DPY19L4: variants seen among roughly 807,000 people sequenced by gnomAD.
The protein encoded by DPY19L4 is dpy-19 like 4, also known as probable C-mannosyltransferase DPY19L4.
Under a neutral mutation model 102.8 loss-of-function variants are expected in DPY19L4, and 97 were observed. The ratio of observed to expected loss-of-function variants is 0.94; its 90% CI spans 0.80 to 1.12. The LOEUF is 1.12. DPY19L4 is among the 50% of genes most tolerant of loss of function. The probability of loss-of-function intolerance (pLI) is 0.00; values close to 1 mark genes in which losing one functional copy is unlikely to be tolerated. For missense variants in DPY19L4, 815 were observed against 850.4 expected (o/e 0.96, Z 0.52); for synonymous variants, 252 against 283.1 (o/e 0.89, Z 1.10).
chr8:94,767,439 A>G (rs919148172), intron 11 of DPY19L4, among the ~76,000 whole-genome samples: 1 of 151,632 alleles, frequency 6.6e-6, no homozygotes, highest in African/African-American at 2.4e-5. Flanking sequence ...GACTACAGGC[A>G]CCCGCTACCA....
In DPY19L4 at chr8:94,719,990, G is replaced by A. The variant is rs1338414400; in HGVS notation, c.-9G>A. ...GGAGCCGCAGGGCGCCCTAGCCTTC[G>A]CAGAAACGATGGCGGAGGAAGAAGG... On this transcript the variant is annotated 5_prime_UTR_variant, in exon 1 of 19. Transcript: ENST00000414645. 3.9e-6 allele frequency: 6 copies of A among 1,527,236 alleles called. No individual in the cohort carries two copies. In the Admixed American group the frequency reaches 1.0e-4, roughly 27 times the overall value. 94.6% of individuals were successfully genotyped at this position (1,527,236 alleles called of 1,614,324 possible).
chr8:94,721,226 G>T (rs933281397), intron 1 of DPY19L4, among the ~76,000 whole-genome samples: 1 of 152,186 alleles, frequency 6.6e-6, no homozygotes, highest in Non-Finnish European at 1.5e-5. Flanking sequence ...GATTACAGGC[G>T]TGAGCCACGG....
At chr8:94,734,587 G>T (rs562432333) in intron 2 of DPY19L4, 43 bp from the exon 3 acceptor site, 15 of 1,563,882 alleles carry the variant, frequency 9.6e-6, no homozygotes, top group Middle Eastern at 1.8e-4. Flanking sequence ...ATCATATCAA[G>T]GGTACATATT....
Position 94,793,348 on chromosome 8 carries a change from T to G in DPY19L4, c.*3438T>G, listed in dbSNP as rs1376994786. The G allele has an allele frequency of 1.3e-5, 2 of 152,244 alleles. No individual in the cohort carries two copies. Among genetic ancestry groups the G allele is most frequent in the African/African-American group, 2.4e-5 (1 of 41,474 alleles). The allele number at this position is 152,244 out of a possible 1,614,324, so 9.4% of individuals were successfully genotyped here. A position where few individuals can be genotyped will look rare whatever the true frequency, so the allele number is the denominator to read the frequency against. On this transcript the variant is annotated 3_prime_UTR_variant, in exon 19 of 19. Coordinates refer to ENST00000414645, the MANE Select transcript of DPY19L4 (RefSeq NM_181787.3). ...TTGTTTTGGGCCCCTATTTTTGAAC[T>G]GTTAAAAAATTTTGATGCTTTTCGT...
At chr8:94,757,157 G>T (rs1586368722) in intron 7 of DPY19L4, among the ~76,000 whole-genome samples, 2 of 152,206 alleles carry the variant, frequency 1.3e-5, no homozygotes, top group South Asian at 2.1e-4. Flanking sequence ...GCTAGAAAAA[G>T]AGAGCAGAGA....
rs1346830701 is a variant in DPY19L4 at position 94,734,643 on chromosome 8, A to G, written c.141A>G (p.Gln47=). The G allele has an allele frequency of 1.2e-6, 2 of 1,613,606 alleles. No individual in the cohort carries two copies. Among genetic ancestry groups the G allele is most frequent in the South Asian group, 1.1e-5 (1 of 90,982 alleles). The part of the protein sequence containing the change: ...PERAPKHVLF[Q]RFAKIFIGCL... ...ATACTTTTTCAGATGTATTATTTCAACGCTTTGCAAAGATTTTCATTGGCT... is the reference window on the plus strand; with the variant it reads ...ATACTTTTTCAGATGTATTATTTCAGCGCTTTGCAAAGATTTTCATTGGCT... Residue 47 remains glutamine (Q), a synonymous_variant, in exon 3 of 19, where the codon CAA becomes CAG. Coordinates refer to ENST00000414645, the MANE Select transcript of DPY19L4 (RefSeq NM_181787.3).
At chr8:94,726,604 A>G (rs1056031908) in intron 2 of DPY19L4, among the ~76,000 whole-genome samples, 163 bp downstream of exon 2, 1 of 152,168 alleles carries the variant, frequency 6.6e-6, no homozygotes, top group Non-Finnish European at 1.5e-5. Context: ...TATGACAAAC[A>G]TTTATTTCTA....
rs1018172662 is a variant in DPY19L4, at chr8:94,790,494, G to C, written c.*584G>C. On this transcript the variant is annotated 3_prime_UTR_variant, in exon 19 of 19. Transcript: ENST00000414645. ...ATATATTTAGAATTTTCATGATACT[G>C]TTCTCCTCATCTACTGCTTATGTTA... 5 of 151,664 alleles carry C rather than the reference G, an allele frequency of 3.3e-5. No homozygotes were observed. The highest frequency in any genetic ancestry group is 1.2e-4 in the African/African-American group (5 of 40,758). 9.4% of individuals were successfully genotyped at this position (151,664 alleles called of 1,614,324 possible).
chr8:94,765,100 A>G, intron 8 of DPY19L4, 83 bp from the exon 9 acceptor site: 1 of 1,002,460 alleles, frequency 1.0e-6, no homozygotes, highest in Non-Finnish European at 1.4e-6. Flanking sequence ...CTGTATAATT[A>G]TAGTTAAATC....
chr8:94,759,020 C>G (rs1036952891), intron 7 of DPY19L4, among the ~76,000 whole-genome samples: 1 of 152,136 alleles, frequency 6.6e-6, no homozygotes, highest in South Asian at 2.1e-4. Flanking sequence ...TTGGTTCTTT[C>G]CAGTGGGTTC....
chr8:94,720,150 G>C, intron 1 of DPY19L4, 136 bp downstream of exon 1: 6 of 1,381,462 alleles, frequency 4.3e-6, no homozygotes, highest in Non-Finnish European at 5.6e-6. Context: ...GCGGGAAGGA[G>C]CGCGGCGCCC....
chr8:94,754,348 T>C (rs550789474), intron 6 of DPY19L4, among the ~76,000 whole-genome samples: 4 of 152,350 alleles, frequency 2.6e-5, no homozygotes, highest in African/African-American at 9.6e-5. Flanking sequence ...CTTTTGGCTG[T>C]GATAACGTGC....
intron 6 of DPY19L4, 84 bp from the exon 7 acceptor site, chr8:94,755,952 G>A: frequency 1.5e-6 from 2 of 1,373,354 alleles, no homozygotes; most frequent in South Asian, 1.4e-5. Context: ...AGAACAATGA[G>A]ATTTGTGTTA....
chr8:94,784,296 T>C (rs11785908), intron 17 of DPY19L4, among the ~76,000 whole-genome samples: 132,243 of 152,058 alleles, frequency 0.87, 57,612 homozygotes, highest in East Asian at 0.96. Context: ...CTGCAACCTC[T>C]GCTTCCTGGG....
rs1813246449 is a variant in DPY19L4, at chr8:94,777,697, A to G, written c.1486A>G (p.Met496Val). 1 of 1,613,896 alleles carries G rather than the reference A, an allele frequency of 6.2e-7. No homozygotes were observed. Among genetic ancestry groups the G allele is most frequent in the South Asian group, 1.1e-5 (1 of 91,070 alleles). Residue 496 changes from methionine (M) to valine (V), a missense_variant, in exon 14 of 19, where the codon ATG (methionine) becomes GTG (valine). By Grantham distance (21) the Met-to-Val change is conservative (BLOSUM62 1). Coordinates refer to ENST00000414645, the MANE Select transcript of DPY19L4 (RefSeq NM_181787.3). The stretch of plus-strand genomic sequence containing the variant: ...GTACATCTGGATTCCTTATGTGTGC[A>G]TGTTAGCAGCATTTGGTGTATGTTC... The part of the protein sequence containing the change: ...LKYIWIPYVC[M>V]LAAFGVCSPE...
intron 7 of DPY19L4, among the ~76,000 whole-genome samples, chr8:94,760,851 G>A (rs1025812702): frequency 1.3e-4 from 20 of 152,310 alleles, no homozygotes; most frequent in South Asian, 8.3e-4. Flanking sequence ...ACATTTTGAA[G>A]GACAGAATTG....
At position 94,753,597 on chromosome 8, in the gene DPY19L4, G is replaced by A. The variant is rs181778269; in HGVS notation, c.612-2439G>A. Reference sequence around the variant, plus strand: ...GCTGCAGATGACTTGACATAAGAAAGTGCGGTGGCTCAAGCCTGTAATCCC... The same window carrying A: ...GCTGCAGATGACTTGACATAAGAAAATGCGGTGGCTCAAGCCTGTAATCCC... On this transcript the variant is annotated intron_variant, in intron 6 of 18. Transcript: ENST00000414645. Among the ~76,000 whole-genome samples, 626 of 152,316 alleles carry A rather than the reference G, an allele frequency of 4.1e-3. 12 individuals are homozygous for A. Among genetic ancestry groups the A allele is most frequent in the South Asian group, 0.036 (175 of 4,826 alleles).
At chr8:94,734,590 T>C (rs1243550784) in intron 2 of DPY19L4, 40 bp from the exon 3 acceptor site, 2 of 1,569,800 alleles carry the variant, frequency 1.3e-6, no homozygotes, top group Non-Finnish European at 1.7e-6. Flanking sequence ...ATATCAAGGG[T>C]ACATATTACC....
At chr8:94,788,113 T>A in intron 18 of DPY19L4, 61 bp downstream of exon 18, 1 of 932,142 alleles carries the variant, frequency 1.1e-6, no homozygotes, top group Non-Finnish European at 1.4e-6. Context: ...TTTAGAAAAA[T>A]GACTTTAAAC....
Sources: allele counts gnomAD v4.1 joint callset (sites outside exome capture counted in the v4.1 genomes callset), GRCh38; gene constraint gnomAD v4.1.1; transcripts MANE v1.5; gene names NCBI Gene and HGNC (gene_info 2026-07-23, HGNC 2026-07-21).